Variants in FOXJ3 observed in about 807,000 individuals in gnomAD.
FOXJ3 encodes forkhead box protein J3.
In FOXJ3, 22 loss-of-function variants were observed where a neutral mutation model predicts 76.1. The ratio of observed to expected loss-of-function variants is 0.29; its 90% confidence interval spans 0.21 to 0.41. The LOEUF (loss-of-function observed/expected upper bound fraction) is 0.41. Ranked by LOEUF, FOXJ3 falls within the 10% of genes least tolerant of loss-of-function variation. The pLI, the probability that FOXJ3 is intolerant of heterozygous loss-of-function variation, is 1.00. For missense variants in FOXJ3, 613 were observed against 762.1 expected (o/e 0.80, Z 2.30); for synonymous variants, 269 against 261.2 (o/e 1.03, Z -0.29).
intron 5 of FOXJ3, among the ~76,000 whole-genome samples, chr1:42,215,098 T>C (rs959172268): frequency 1.3e-5 from 2 of 152,092 alleles, no homozygotes; most frequent in Non-Finnish European, 2.9e-5. Context: ...CAAAATTACC[T>C]GGCACACAAG....
intron 2 of FOXJ3, among the ~76,000 whole-genome samples, chr1:42,303,677 T>C (rs1003980151): frequency 6.6e-6 from 1 of 152,086 alleles, no homozygotes; most frequent in Non-Finnish European, 1.5e-5. Flanking sequence ...AAATGAGTGA[T>C]AAAAAGGGAT....
rs532843096 is a variant in FOXJ3, at chr1:42,203,899, G to A, written c.630+1863C>T. Among the ~76,000 whole-genome samples, 7 of 152,030 alleles carry A rather than the reference G, an allele frequency of 4.6e-5. No homozygotes were observed. In the East Asian group the frequency reaches 1.4e-3, roughly 29 times the overall value. ...TAATCCCAGCTACTTGGGAGGCTGA[G>A]GCAGGAGAATTGCTTGAACCCAGGA... On this transcript the variant is annotated intron_variant, in intron 6 of 12. Transcript: ENST00000361346.
chr1:42,217,662 G>T (rs1183322093), intron 5 of FOXJ3, among the ~76,000 whole-genome samples: 1 of 152,156 alleles, frequency 6.6e-6, no homozygotes, highest in Non-Finnish European at 1.5e-5. Context: ...AATGAATGGA[G>T]AAATACAACA....
chr1:42,295,418 G>T (rs1391177544), intron 2 of FOXJ3, among the ~76,000 whole-genome samples: 4 of 151,622 alleles, frequency 2.6e-5, no homozygotes, highest in African/African-American at 9.7e-5. Flanking sequence ...GTACTCCATG[G>T]TATCTGTATA....
At chr1:42,269,330 A>G (rs899137933) in intron 3 of FOXJ3, among the ~76,000 whole-genome samples, 1 of 152,220 alleles carries the variant, frequency 6.6e-6, no homozygotes. Flanking sequence ...CAAGATGGTC[A>G]GAAGAAACAA....
At chr1:42,281,988 G>C (rs921301268) in intron 2 of FOXJ3, among the ~76,000 whole-genome samples, 9 of 151,682 alleles carry the variant, frequency 5.9e-5, no homozygotes, top group African/African-American at 2.2e-4. Flanking sequence ...GAACCCAGGA[G>C]ATGAAGGTTG....
At chr1:42,280,531 T>A in intron 2 of FOXJ3, 4 of 580,734 alleles carry the variant, frequency 6.9e-6, no homozygotes, top group Non-Finnish European at 8.6e-6. Flanking sequence ...TATAGGGACT[T>A]GTAGAATAAG....
chr1:42,304,553 C>CA (rs1654346073), intron 2 of FOXJ3, among the ~76,000 whole-genome samples: 1 of 151,896 alleles, frequency 6.6e-6, no homozygotes, highest in African/African-American at 2.4e-5. Context: ...ATAAAAACAG[C>CA]CATACCAATG....
intron 4 of FOXJ3, among the ~76,000 whole-genome samples, chr1:42,256,710 G>A (rs1650618241): frequency 6.6e-6 from 1 of 152,206 alleles, no homozygotes; most frequent in African/African-American, 2.4e-5. Flanking sequence ...TCTGCCCTCT[G>A]ACCCAGTAAT....
At chr1:42,324,389 AATACTATAT>A (rs1229477541) in intron 1 of FOXJ3, among the ~76,000 whole-genome samples, 2 of 147,560 alleles carry the variant, frequency 1.4e-5, no homozygotes, top group African/African-American at 4.9e-5. Flanking sequence ...ATAACATATA[AATACTATAT>A]ATACTATATA....
In FOXJ3 at chr1:42,324,282, TTA is replaced by T. The variant is rs1355349102; in HGVS notation, c.-18+10775_-18+10776del. On this transcript the variant is annotated intron_variant, in intron 1 of 12. Coordinates refer to ENST00000361346, the MANE Select transcript of FOXJ3 (RefSeq NM_014947.5). ...TATACACATATATACACTATATATA[TTA>T]TACACATATATTATATATATACACT... 7.0e-5 allele frequency among the ~76,000 whole-genome samples: 10 copies of T among 143,644 alleles called. 1 individual carries two copies. In the East Asian group the frequency reaches 2.0e-3, roughly 29 times the overall value. 94.2% of individuals were successfully genotyped at this position (143,644 alleles called of 152,430 possible). A position where few individuals can be genotyped will look rare whatever the true frequency, so the allele number is the denominator to read the frequency against.
At chr1:42,305,052 G>C (rs1654373692) in intron 2 of FOXJ3, among the ~76,000 whole-genome samples, 1 of 152,094 alleles carries the variant, frequency 6.6e-6, no homozygotes, top group Admixed American at 6.6e-5. Flanking sequence ...ATAGGAGAAA[G>C]TTTAATAAGC....
At chr1:42,201,400 C>A (rs896965593) in intron 6 of FOXJ3, among the ~76,000 whole-genome samples, 1 of 152,142 alleles carries the variant, frequency 6.6e-6, no homozygotes, top group Admixed American at 6.5e-5. Context: ...CTTTACCACA[C>A]TGAAAAAATT....
At chr1:42,269,083 TTTTC>T (rs1175336624) in intron 3 of FOXJ3, among the ~76,000 whole-genome samples, 3 of 152,156 alleles carry the variant, frequency 2.0e-5, no homozygotes, top group Admixed American at 6.5e-5. Context: ...AGGTTTTTGG[TTTTC>T]TTTTTGTTGT....
intron 4 of FOXJ3, among the ~76,000 whole-genome samples, chr1:42,249,674 T>A (rs1649857195): frequency 6.6e-6 from 1 of 152,232 alleles, no homozygotes; most frequent in Non-Finnish European, 1.5e-5. Flanking sequence ...AAACATTTAT[T>A]AGGCATCTAC....
At chr1:42,237,093 G>A (rs1474218269) in intron 4 of FOXJ3, among the ~76,000 whole-genome samples, 2 of 151,582 alleles carry the variant, frequency 1.3e-5, no homozygotes, top group Non-Finnish European at 2.9e-5. Context: ...GGCTATTTCT[G>A]GGCCAGGCGT....
At chr1:42,192,153 C>G (rs1177480036) in intron 8 of FOXJ3, among the ~76,000 whole-genome samples, 3 of 152,138 alleles carry the variant, frequency 2.0e-5, no homozygotes, top group Non-Finnish European at 1.5e-5. Flanking sequence ...AAGACCAAGG[C>G]TTTGATAGAA....
chr1:42,260,883 T>C (rs1442955403), intron 4 of FOXJ3, among the ~76,000 whole-genome samples: 1 of 152,152 alleles, frequency 6.6e-6, no homozygotes, highest in African/African-American at 2.4e-5. Flanking sequence ...TTCCCCAGGA[T>C]AGTCAGGTGG....
intron 5 of FOXJ3, among the ~76,000 whole-genome samples, chr1:42,208,003 T>C (rs902584658): frequency 2.8e-4 from 43 of 152,360 alleles, no homozygotes; most frequent in African/African-American, 7.7e-4. Flanking sequence ...GTCTGAACTA[T>C]TGGTTCACTA....
Sources: allele counts gnomAD v4.1 joint callset (sites outside exome capture counted in the v4.1 genomes callset), GRCh38; gene constraint gnomAD v4.1.1; transcripts MANE v1.5; gene names NCBI Gene and HGNC (gene_info 2026-07-23, HGNC 2026-07-21).